AKAP10: variants seen among roughly 807,000 people sequenced by gnomAD.
AKAP10 encodes the protein A-kinase anchor protein 10, mitochondrial.
In AKAP10, 24 loss-of-function variants were observed where a neutral mutation model predicts 80.8. That is an observed-to-expected ratio of 0.30 (90% CI 0.22 to 0.42). The LOEUF (loss-of-function observed/expected upper bound fraction) is 0.42, where lower values mean the gene tolerates loss of function less well. Among genes scored for constraint, AKAP10 ranks in the 10% least tolerant of loss-of-function variants. AKAP10 has a pLI of 1.00. For missense variants in AKAP10, 661 were observed against 794.9 expected (o/e 0.83, Z 2.03); for synonymous variants, 291 against 277.7 (o/e 1.05, Z -0.48).
chr17:19,916,397 C>G (rs1479046762), intron 12 of AKAP10, among the ~76,000 whole-genome samples: 1 of 152,088 alleles, frequency 6.6e-6, no homozygotes, highest in Non-Finnish European at 1.5e-5. Flanking sequence ...CTCCACTGTT[C>G]TATAAAATGA....
chr17:19,974,123 C>T (rs761817673), intron 1 of AKAP10, among the ~76,000 whole-genome samples: 3 of 151,904 alleles, frequency 2.0e-5, no homozygotes, highest in Non-Finnish European at 4.4e-5. Flanking sequence ...ACCCAGGAGG[C>T]GGAGGTTGCA....
chr17:19,966,706 C>T (rs2043424051), intron 2 of AKAP10, among the ~76,000 whole-genome samples: 1 of 152,212 alleles, frequency 6.6e-6, no homozygotes, highest in Admixed American at 6.5e-5. Context: ...CCAATCCCCC[C>T]ATTCAACAAA....
Position 19,958,580 on chromosome 17 carries a change from T to C in AKAP10, c.320-9A>G, listed in dbSNP as rs780569201. On this transcript the variant is annotated splice_polypyrimidine_tract_variant and intron_variant, in intron 3 of 14. Coordinates refer to ENST00000225737, the MANE Select transcript of AKAP10 (RefSeq NM_007202.4). ...GTCCAGACAAGATCTGCCTAAAAGA[T>C]AGAAGCAAAAGAATTAGCAGTTCAG... The C allele has an allele frequency of 3.4e-5, 53 of 1,576,570 alleles. No homozygotes were observed. The highest frequency in any genetic ancestry group is 4.3e-5 in the Non-Finnish European group (50 of 1,168,040).
intron 1 of AKAP10, 39 bp downstream of exon 1, chr17:19,977,553 A>G (rs998252102): frequency 4.1e-6 from 5 of 1,226,132 alleles, no homozygotes; most frequent in Non-Finnish European, 5.1e-6. Flanking sequence ...GCCGCCCCTG[A>G]GGCCCGGCCT....
At chr17:19,960,340 C>T (rs1317150512) in intron 3 of AKAP10, among the ~76,000 whole-genome samples, 1 of 152,332 alleles carries the variant, frequency 6.6e-6, no homozygotes, top group East Asian at 1.9e-4. Flanking sequence ...TTTATAACTA[C>T]ACCCACTTAC....
intron 10 of AKAP10, among the ~76,000 whole-genome samples, chr17:19,931,141 G>GA (rs1052856841): frequency 4.7e-5 from 7 of 147,832 alleles, no homozygotes; most frequent in Admixed American, 6.7e-5. Flanking sequence ...CTCAAGAAAA[G>GA]AAAAAAAAAG....
chr17:19,969,997 G>C (rs1028184198), intron 1 of AKAP10, among the ~76,000 whole-genome samples: 16 of 152,054 alleles, frequency 1.1e-4, no homozygotes, highest in Admixed American at 1.0e-3. Flanking sequence ...TGTATTTCCT[G>C]GCTGATCCTA....
rs2042940222 is a variant in AKAP10, at chr17:19,932,108, CTTG to C, written c.1468-133_1468-131del. ...CTACCTATAACAAATGTTTTTACTT[CTTG>C]TTGTACTACAAGTATTATCCCTTTG... On this transcript the variant is annotated intron_variant, in intron 9 of 14. Transcript: ENST00000225737. 7.2e-6 allele frequency: 6 copies of C among 831,402 alleles called. No individual in the cohort carries two copies. The South Asian group carries it at 7.4e-5, about 10-fold the overall frequency. The allele number at this position is 831,402 out of a possible 1,614,324, so 51.5% of individuals were successfully genotyped here. A position where few individuals can be genotyped will look rare whatever the true frequency, so the allele number is the denominator to read the frequency against.
chr17:19,931,255 T>C (rs1174946584), intron 10 of AKAP10, among the ~76,000 whole-genome samples: 1 of 152,196 alleles, frequency 6.6e-6, no homozygotes, highest in Non-Finnish European at 1.5e-5. Flanking sequence ...TTACTTGATT[T>C]ATTAAGAGAA....
At chr17:19,956,794 CAGG>C (rs955058451) in intron 4 of AKAP10, among the ~76,000 whole-genome samples, 1 of 151,358 alleles carries the variant, frequency 6.6e-6, no homozygotes, top group African/African-American at 2.4e-5. Flanking sequence ...CACTTGAGGT[CAGG>C]AGTTCAAGAT....
intron 1 of AKAP10, among the ~76,000 whole-genome samples, chr17:19,971,766 C>G (rs1489797464): frequency 6.6e-6 from 1 of 152,190 alleles, no homozygotes; most frequent in Non-Finnish European, 1.5e-5. Flanking sequence ...TGCATATAAG[C>G]AAGAATTTCT....
intron 12 of AKAP10, among the ~76,000 whole-genome samples, chr17:19,916,764 C>G (rs566194061): frequency 1.3e-5 from 2 of 150,820 alleles, no homozygotes; most frequent in African/African-American, 4.9e-5. Flanking sequence ...GGTGAAACCC[C>G]GTCTCTTCTA....
chr17:19,927,337 A>C (rs1027725606), intron 10 of AKAP10, among the ~76,000 whole-genome samples: 2 of 152,124 alleles, frequency 1.3e-5, no homozygotes, highest in African/African-American at 4.8e-5. Context: ...TTATCTTAAA[A>C]AAACAAACAA....
At chr17:19,924,917 A>G (rs1375340353) in intron 10 of AKAP10, among the ~76,000 whole-genome samples, 1 of 152,096 alleles carries the variant, frequency 6.6e-6, no homozygotes. Flanking sequence ...GGATCCCAGC[A>G]CTTTGGGAGG....
At chr17:19,906,306 T>C (rs2042631390) in intron 14 of AKAP10, 74 bp from the exon 15 acceptor site, 16 of 1,511,846 alleles carry the variant, frequency 1.1e-5, no homozygotes, top group East Asian at 6.8e-5. Flanking sequence ...AAATTAAGGA[T>C]GGACACCAAC....
chr17:19,920,887 C>CAAAAAAAAAAAAAAAAAAAAAAAAA (rs2042805303), intron 11 of AKAP10, among the ~76,000 whole-genome samples: 2 of 66,882 alleles, frequency 3.0e-5, no homozygotes, highest in African/African-American at 1.3e-4. Context: ...AAAAAAAAAG[C>CAAAAAAAAAAAAAAAAAAAAAAAAA]AAAAAATACA....
chr17:19,933,104 T>C (rs2042955494), intron 9 of AKAP10, among the ~76,000 whole-genome samples: 1 of 152,168 alleles, frequency 6.6e-6, no homozygotes, highest in Non-Finnish European at 1.5e-5. Flanking sequence ...CTGGAACCTC[T>C]GTCTCCCAGG....
At chr17:19,936,525 T>C in intron 8 of AKAP10, 95 bp from the exon 9 acceptor site, 6 of 1,224,386 alleles carry the variant, frequency 4.9e-6, no homozygotes, top group South Asian at 1.5e-5. Flanking sequence ...CAAGGCTACT[T>C]GATTGAGCCT....
At chr17:19,963,292 T>C (rs1290000290) in intron 2 of AKAP10, among the ~76,000 whole-genome samples, 3 of 148,694 alleles carry the variant, frequency 2.0e-5, no homozygotes, top group Non-Finnish European at 4.4e-5. Context: ...CTCGGCTCAC[T>C]GCAACCTCTG....
Sources: allele counts gnomAD v4.1 joint callset (sites outside exome capture counted in the v4.1 genomes callset), GRCh38; gene constraint gnomAD v4.1.1; transcripts MANE v1.5; gene names NCBI Gene and HGNC (gene_info 2026-07-23, HGNC 2026-07-21).